The following CIMIP1 variants were observed in gnomAD, a reference collection of about 807,000 sequenced individuals.
The protein encoded by CIMIP1 is low in lung cancer 1.
chr20:58,159,306 A>G, the CIMIP1 span, among the ~76,000 whole-genome samples: 2 of 148,848 alleles, frequency 1.3e-5, no homozygotes, highest in Non-Finnish European at 3.0e-5. Flanking sequence ...AACTGAGGTC[A>G]GGAGTTCGAG....
At chr20:58,155,545 G>A in the CIMIP1 span, 1 of 1,614,194 alleles carries the variant, frequency 6.2e-7, no homozygotes, top group South Asian at 1.1e-5. Flanking sequence ...TCCGGCCGGT[G>A]ACCCCAGTGG....
the CIMIP1 span, among the ~76,000 whole-genome samples, chr20:58,156,949 T>TG: frequency 1.3e-5 from 2 of 152,136 alleles, no homozygotes; most frequent in Admixed American, 1.3e-4. Flanking sequence ...AGTGAGCATT[T>TG]GGGGGGTATG....
At chr20:58,159,262 T>C in the CIMIP1 span, among the ~76,000 whole-genome samples, 3 of 143,676 alleles carry the variant, frequency 2.1e-5, no homozygotes, top group African/African-American at 7.7e-5. Context: ...ATGCCTATAA[T>C]CCCAACACTT....
At chr20:58,153,457 C>A in the CIMIP1 span, 1 of 998,172 alleles carries the variant, frequency 1.0e-6, no homozygotes, top group South Asian at 1.3e-5. Context: ...ACTGCCCAGT[C>A]AATGTTCGTG....
At chr20:58,153,600 G>T in the CIMIP1 span, 1 of 1,613,880 alleles carries the variant, frequency 6.2e-7, no homozygotes, top group Non-Finnish European at 8.5e-7. Context: ...CAGAACTGGG[G>T]GTTTTTAACA....
At chr20:58,156,004 G>C in the CIMIP1 span, among the ~76,000 whole-genome samples, 4 of 152,170 alleles carry the variant, frequency 2.6e-5, no homozygotes, top group Admixed American at 6.5e-5. Flanking sequence ...TTATACAATG[G>C]GGGTTAATGA....
chr20:58,154,639 GTTC>G, the CIMIP1 span, among the ~76,000 whole-genome samples: 1 of 152,130 alleles, frequency 6.6e-6, no homozygotes, highest in Non-Finnish European at 1.5e-5. Flanking sequence ...CATAGAATGA[GTTC>G]TTATTAATAT....
the CIMIP1 span, among the ~76,000 whole-genome samples, chr20:58,152,318 CCCT>C: frequency 6.6e-6 from 1 of 152,014 alleles, no homozygotes; most frequent in Admixed American, 6.5e-5. Flanking sequence ...TCTAAGTGAC[CCCT>C]CCTCTTTGAA....
the CIMIP1 span, among the ~76,000 whole-genome samples, chr20:58,159,579 T>C: frequency 6.6e-6 from 1 of 151,726 alleles, no homozygotes; most frequent in African/African-American, 2.4e-5. Context: ...CCCTTGTTAG[T>C]GGTGGTGTTT....
the CIMIP1 span, among the ~76,000 whole-genome samples, chr20:58,160,250 T>C: frequency 6.6e-6 from 1 of 152,220 alleles, no homozygotes; most frequent in Non-Finnish European, 1.5e-5. Flanking sequence ...TGTGTGTATA[T>C]ACAGATGCAT....
chr20:58,160,740 G>T, the CIMIP1 span: 1 of 1,614,138 alleles, frequency 6.2e-7, no homozygotes, highest in Non-Finnish European at 8.5e-7. Context: ...CTGAACAAGT[G>T]CCTAGAGCTC....
the CIMIP1 span, among the ~76,000 whole-genome samples, chr20:58,157,491 T>C: frequency 1.3e-5 from 2 of 152,182 alleles, no homozygotes; most frequent in Admixed American, 1.3e-4. Flanking sequence ...TGTTTACAAA[T>C]CAAACTACAC....
chr20:58,154,139 G>A, the CIMIP1 span, among the ~76,000 whole-genome samples: 46 of 152,272 alleles, frequency 3.0e-4, no homozygotes, highest in African/African-American at 9.4e-4. Flanking sequence ...AAATGCTGTC[G>A]GTATTCCCTA....
the CIMIP1 span, among the ~76,000 whole-genome samples, chr20:58,156,721 A>G: frequency 2.0e-5 from 3 of 152,180 alleles, no homozygotes; most frequent in African/African-American, 7.2e-5. Context: ...CACGGCGGAC[A>G]TGGCTCAGAT....
chr20:58,151,664 C>G, the CIMIP1 span, among the ~76,000 whole-genome samples: 2 of 152,106 alleles, frequency 1.3e-5, no homozygotes, highest in African/African-American at 4.8e-5. Context: ...CCACCCGCCT[C>G]GGCCTCCCAA....
the CIMIP1 span, among the ~76,000 whole-genome samples, chr20:58,153,209 T>C: frequency 4.4e-4 from 67 of 152,222 alleles, no homozygotes; most frequent in African/African-American, 1.6e-3. Flanking sequence ...TCCTCCACTT[T>C]TGCACCTCCT....
At chr20:58,158,447 G>A in the CIMIP1 span, among the ~76,000 whole-genome samples, 4 of 152,172 alleles carry the variant, frequency 2.6e-5, no homozygotes, top group African/African-American at 4.8e-5. Flanking sequence ...TCAGGAGATT[G>A]AGACCATCCT....
chr20:58,151,660 G>C, the CIMIP1 span, among the ~76,000 whole-genome samples: 1 of 152,040 alleles, frequency 6.6e-6, no homozygotes, highest in East Asian at 1.9e-4. Context: ...TGATCCACCC[G>C]CCTCGGCCTC....
chr20:58,150,918 T>G, the CIMIP1 span: 1 of 1,563,346 alleles, frequency 6.4e-7, no homozygotes, highest in Non-Finnish European at 8.7e-7. Context: ...CGCGAGACGC[T>G]GAGCCCAGGG....
Sources: allele counts gnomAD v4.1 joint callset (sites outside exome capture counted in the v4.1 genomes callset), GRCh38; gene constraint gnomAD v4.1.1; transcripts MANE v1.5; gene names NCBI Gene and HGNC (gene_info 2026-07-23, HGNC 2026-07-21).